The following DMD variants were observed in gnomAD, a reference collection of about 807,000 sequenced individuals.
The protein encoded by DMD is dystrophin, also known as mutant dystrophin.
DMD carries 63 observed loss-of-function variants against 330.1 expected under a neutral mutation model. The observed-to-expected ratio is 0.19, with a 90% CI of 0.16 to 0.24. The LOEUF (loss-of-function observed/expected upper bound fraction) is 0.24, where lower values mean the gene tolerates loss of function less well. Among genes scored for constraint, DMD ranks in the 10% least tolerant of loss-of-function variants. The probability of loss-of-function intolerance (pLI) is 1.00; values close to 1 mark genes in which losing one functional copy is unlikely to be tolerated. For missense variants in DMD, 3,344 were observed against 2,684.1 expected, an observed-to-expected ratio of 1.25 and a Z score of -5.43; for synonymous variants, 1,223 against 959.8, an observed-to-expected ratio of 1.27 and a Z score of -5.07.
chrX:32,588,274 T>A (rs2054511520), intron 13 of DMD, among the ~76,000 whole-genome samples: 1 of 111,861 alleles, frequency 8.9e-6, no homozygotes, highest in Non-Finnish European at 1.9e-5. Context: ...CAGACACAAT[T>A]AGGGTACAGA....
At chrX:33,125,356 TAAA>T (rs1485046766) in intron 1 of DMD, among the ~76,000 whole-genome samples, 3 of 111,208 alleles carry the variant, frequency 2.7e-5, no homozygotes, top group Non-Finnish European at 5.7e-5. Context: ...AAAAGTTAAA[TAAA>T]AAATAATATA....
At chrX:33,335,012 C>T (rs1259282456) in intron 1 of DMD, among the ~76,000 whole-genome samples, 1 of 111,107 alleles carries the variant, frequency 9.0e-6, no homozygotes, top group Non-Finnish European at 1.9e-5. Flanking sequence ...AGTCTAAACC[C>T]TCTTCTGCAT....
intron 44 of DMD, among the ~76,000 whole-genome samples, chrX:32,123,596 T>C (rs1344002838): frequency 9.0e-6 from 1 of 111,235 alleles, no homozygotes; most frequent in Non-Finnish European, 1.9e-5. Context: ...CGAAGTAAAA[T>C]AAATTCCACC....
chrX:33,230,289 T>C (rs16990958), intron 1 of DMD, among the ~76,000 whole-genome samples: 3,686 of 111,219 alleles, frequency 0.033, 162 homozygotes, highest in African/African-American at 0.11. Flanking sequence ...CCTACAGTTT[T>C]ATGATACATG....
chrX:31,553,362 T>C (rs1014267466), intron 55 of DMD, among the ~76,000 whole-genome samples: 33 of 112,222 alleles, frequency 2.9e-4, no homozygotes, highest in Admixed American at 2.8e-4. Flanking sequence ...CTTACTTATA[T>C]ACCATGCAGT....
chrX:31,479,644 T>C (rs2068088989), intron 57 of DMD, among the ~76,000 whole-genome samples: 2 of 112,146 alleles, frequency 1.8e-5, no homozygotes, highest in Non-Finnish European at 3.8e-5. Flanking sequence ...TTTTGAAAAA[T>C]AGTCATTACA....
At position 32,844,779 on chromosome X, in the gene DMD, T is replaced by G. The variant is rs1159546987; in HGVS notation, c.264+4A>C. On this transcript the variant is annotated splice_donor_region_variant and intron_variant, in intron 4 of 78. Transcript: ENST00000357033. ...ATCCAGACCTTGTCCAGGGTACTACTTACATTATTGTTCTGCAAAACCCGC... is the reference window on the plus strand; with the variant it reads ...ATCCAGACCTTGTCCAGGGTACTACGTACATTATTGTTCTGCAAAACCCGC... 8.3e-7 allele frequency: 1 copy of G among 1,204,615 alleles called. No homozygotes were observed. The highest frequency in any genetic ancestry group is 2.2e-5 in the Admixed American group (1 of 45,795).
At chrX:32,796,482 G>A (rs1244141739) in intron 7 of DMD, among the ~76,000 whole-genome samples, 1 of 111,306 alleles carries the variant, frequency 9.0e-6, no homozygotes, top group East Asian at 2.8e-4. Context: ...ATATAAAAAG[G>A]GGTTATTTAA....
chrX:32,054,084 TGTGTGAGAGA>T (rs1420595756), intron 44 of DMD, among the ~76,000 whole-genome samples: 1 of 75,761 alleles, frequency 1.3e-5, no homozygotes, highest in African/African-American at 6.3e-5. Context: ...TGTGTGTGTG[TGTGTGAGAGA>T]GAGAGAGAGA....
At chrX:32,516,594 C>T (rs2045883930) in intron 18 of DMD, 1 of 111,569 alleles carries the variant, frequency 9.0e-6, no homozygotes, top group East Asian at 2.8e-4. Flanking sequence ...CAGACAGAAA[C>T]CTGTGAGAAT....
At chrX:31,978,059 A>G (rs1203811071) in intron 44 of DMD, among the ~76,000 whole-genome samples, 1 of 111,820 alleles carries the variant, frequency 8.9e-6, no homozygotes, top group Non-Finnish European at 1.9e-5. Context: ...AAAAGATTAA[A>G]TTATCAAATG....
intron 59 of DMD, among the ~76,000 whole-genome samples, chrX:31,461,117 T>C (rs1856637310): frequency 8.9e-6 from 1 of 111,807 alleles, no homozygotes; most frequent in African/African-American, 3.2e-5. Flanking sequence ...AAACTATTAA[T>C]CAATCCAACA....
At chrX:32,410,720 C>A (rs777784625) in intron 30 of DMD, among the ~76,000 whole-genome samples, 1 of 111,437 alleles carries the variant, frequency 9.0e-6, no homozygotes, top group African/African-American at 3.3e-5. Flanking sequence ...ACCCTAAAGA[C>A]TTTTGAATAA....
At chrX:31,967,001 T>A (rs1471991577) in intron 45 of DMD, among the ~76,000 whole-genome samples, 1 of 110,711 alleles carries the variant, frequency 9.0e-6, no homozygotes, top group Non-Finnish European at 1.9e-5. Context: ...TTTAATTTTC[T>A]CATTTCTTAC....
chrX:32,050,974 C>CTTTTTTTT lies in DMD; in HGVS notation c.6439-82468_6439-82461dup, dbSNP rs761835866. ...TTACATTGCCTCAGGCTAACTTCCTCTTTTTTTTTTTTTCCCCCTAATAGA... is the reference window on the plus strand; with the variant it reads ...TTACATTGCCTCAGGCTAACTTCCTCTTTTTTTTTTTTTTTTTTTTTCCCCCTAATAGA... On this transcript the variant is annotated intron_variant, in intron 44 of 78. Coordinates refer to ENST00000357033, the MANE Select transcript of DMD (RefSeq NM_004006.3). 7.6e-4 allele frequency among the ~76,000 whole-genome samples: 59 copies of CTTTTTTTT among 78,128 alleles called. 4 individuals carry two copies. The highest frequency in any genetic ancestry group is 3.5e-3 in the South Asian group (6 of 1,694). 67.8% of individuals were successfully genotyped at this position (78,128 alleles called of 115,157 possible).
intron 1 of DMD, among the ~76,000 whole-genome samples, chrX:33,152,410 G>A (rs1240173466): frequency 9.1e-6 from 1 of 110,100 alleles, no homozygotes; most frequent in African/African-American, 3.3e-5. Context: ...TTCACCTGAG[G>A]TAATCTGCCT....
At chrX:32,041,636 C>T (rs940103708) in intron 44 of DMD, among the ~76,000 whole-genome samples, 3 of 110,927 alleles carry the variant, frequency 2.7e-5, no homozygotes, top group African/African-American at 9.9e-5. Flanking sequence ...GCACATTCTC[C>T]ACACATTGAA....
At chrX:33,328,409 G>C (rs749574682) in intron 1 of DMD, among the ~76,000 whole-genome samples, 2 of 110,238 alleles carry the variant, frequency 1.8e-5, no homozygotes, top group Non-Finnish European at 3.8e-5. Context: ...TATTGGCCAG[G>C]CTGGTCTCGA....
chrX:31,804,668 C>T (rs1454217583), intron 50 of DMD, among the ~76,000 whole-genome samples: 1 of 111,289 alleles, frequency 9.0e-6, no homozygotes, highest in Non-Finnish European at 1.9e-5. Context: ...CACATCGCTC[C>T]TCACCCATTC....
Sources: allele counts gnomAD v4.1 joint callset (sites outside exome capture counted in the v4.1 genomes callset), GRCh38; gene constraint gnomAD v4.1.1; transcripts MANE v1.5; gene names NCBI Gene and HGNC (gene_info 2026-07-23, HGNC 2026-07-21).